The following AIG1 variants were observed in gnomAD, a reference collection of about 807,000 sequenced individuals.
The protein encoded by AIG1 is androgen-induced gene 1 protein.
AIG1 carries 23 observed loss-of-function variants against 31.4 expected under a neutral mutation model. The observed-to-expected ratio is 0.73, with a 90% CI of 0.53 to 1.04. The LOEUF is 1.04. AIG1 is among the 50% of genes least tolerant of loss of function. AIG1 has a pLI of 0.00. For synonymous variants in AIG1, 100 were observed against 110.5 expected, an observed-to-expected ratio of 0.90 and a Z score of 0.60; for missense variants, 274 against 295.0, an observed-to-expected ratio of 0.93 and a Z score of 0.52.
rs1447104167 is a variant in AIG1 at position 143,268,322 on chromosome 6, G to A, written c.400-15788G>A. Among the ~76,000 whole-genome samples the A allele has an allele frequency of 6.6e-6, 1 of 152,090 alleles. No individual in the cohort carries two copies. Among genetic ancestry groups the A allele is most frequent in the East Asian group, 1.9e-4 (1 of 5,192 alleles). The stretch of plus-strand genomic sequence containing the variant: ...AATTAGCACTTGGTATTGTCTGTAC[G>A]ACTGGCATTGTTCCCTGAGCCTCGA... On this transcript the variant is annotated intron_variant, in intron 3 of 5. Coordinates refer to ENST00000357847, the MANE Select transcript of AIG1 (RefSeq NM_016108.4). The surrounding 1 kb of genome is among the most constrained non-coding windows in gnomAD (Gnocchi z 5.0).
chr6:143,229,640 ATTC>A (rs2128630621), intron 3 of AIG1, among the ~76,000 whole-genome samples: 1 of 152,292 alleles, frequency 6.6e-6, no homozygotes, highest in East Asian at 1.9e-4. Context: ...ACAACTCATC[ATTC>A]TTCTTTCAGC....
At chr6:143,104,546 A>G (rs768454218) in intron 1 of AIG1, among the ~76,000 whole-genome samples, 5 of 152,156 alleles carry the variant, frequency 3.3e-5, no homozygotes, top group African/African-American at 1.2e-4. Context: ...AGCCTTTCCC[A>G]GGTGTGAGCT....
intron 2 of AIG1, among the ~76,000 whole-genome samples, chr6:143,153,804 T>G (rs539026679): frequency 6.6e-6 from 1 of 152,052 alleles, no homozygotes; most frequent in African/African-American, 2.4e-5. Flanking sequence ...ATTAACCACA[T>G]TTACTCGCCA....
At chr6:143,157,748 TCA>T (rs1478800380) in intron 2 of AIG1, among the ~76,000 whole-genome samples, 1 of 152,210 alleles carries the variant, frequency 6.6e-6, no homozygotes, top group East Asian at 1.9e-4. Context: ...CTATCGAATC[TCA>T]GTTTTTCTTC....
At chr6:143,060,593 A>AG, upstream of AIG1, 2 of 444,368 alleles carry the variant, frequency 4.5e-6, no homozygotes, top group Non-Finnish European at 9.4e-6. Flanking sequence ...TGGGATGCCT[A>AG]GGGGGCGCCT....
chr6:143,111,998 A>T (rs1781317505), intron 1 of AIG1, among the ~76,000 whole-genome samples: 1 of 152,196 alleles, frequency 6.6e-6, no homozygotes, highest in African/African-American at 2.4e-5. Context: ...ATCTGCTTTC[A>T]AGATGATCTT....
intron 2 of AIG1, among the ~76,000 whole-genome samples, chr6:143,140,827 A>T (rs1003799454): frequency 6.6e-6 from 1 of 152,190 alleles, no homozygotes; most frequent in African/African-American, 2.4e-5. Context: ...CAAAATCCTA[A>T]GGGGCAGAAT....
chr6:143,102,388 C>T (rs527304139), intron 1 of AIG1, among the ~76,000 whole-genome samples: 14 of 148,448 alleles, frequency 9.4e-5, no homozygotes, highest in Non-Finnish European at 1.3e-4. Context: ...TATTTTCAGC[C>T]GGAAGGGAAG....
chr6:143,253,706 A>G (rs1305664692), intron 3 of AIG1, among the ~76,000 whole-genome samples: 1 of 152,214 alleles, frequency 6.6e-6, no homozygotes, highest in Non-Finnish European at 1.5e-5. Flanking sequence ...AGAGTAAATC[A>G]TTTTCAGTTT....
At chr6:143,071,301 T>C (rs905855150) in intron 1 of AIG1, among the ~76,000 whole-genome samples, 15 of 152,238 alleles carry the variant, frequency 9.9e-5, no homozygotes, top group African/African-American at 3.1e-4. Context: ...TAGTATTACA[T>C]AGTATGCATA....
At chr6:143,125,606 T>A (rs991692630) in intron 1 of AIG1, among the ~76,000 whole-genome samples, 1 of 152,218 alleles carries the variant, frequency 6.6e-6, no homozygotes, top group South Asian at 2.1e-4. Context: ...TTTTCTATCA[T>A]AATTTGCAGA....
intron 1 of AIG1, among the ~76,000 whole-genome samples, chr6:143,091,397 GC>G (rs1158752721): frequency 1.3e-5 from 2 of 152,210 alleles, no homozygotes; most frequent in Non-Finnish European, 2.9e-5. Flanking sequence ...TCTCTGCTCT[GC>G]TTTCAAAGAA....
intron 1 of AIG1, among the ~76,000 whole-genome samples, chr6:143,099,106 C>G (rs1317640092): frequency 6.6e-6 from 1 of 152,212 alleles, no homozygotes; most frequent in Non-Finnish European, 1.5e-5. Flanking sequence ...AAAAGACCAT[C>G]AGTTTTCACT....
intron 1 of AIG1, among the ~76,000 whole-genome samples, chr6:143,089,303 A>G (rs1410083244): frequency 6.6e-6 from 1 of 152,122 alleles, no homozygotes; most frequent in Non-Finnish European, 1.5e-5. Context: ...AATACCTATG[A>G]TATGAGGAAT....
intron 4 of AIG1, among the ~76,000 whole-genome samples, chr6:143,314,021 A>G (rs1775522622): frequency 6.6e-6 from 1 of 151,788 alleles, no homozygotes; most frequent in South Asian, 2.1e-4. Flanking sequence ...AGACAAGAAG[A>G]GGAAATAAAA....
intron 3 of AIG1, chr6:143,187,836 C>A: frequency 6.8e-7 from 1 of 1,460,708 alleles, no homozygotes; most frequent in East Asian, 2.5e-5. Context: ...TCAAGAAGTG[C>A]CATTTCTCAA....
In AIG1 at chr6:143,333,033, A is replaced by G. The variant is rs932938824; in HGVS notation, c.516-249A>G. Reference sequence around the variant, plus strand: ...GTCAATTGTCCCAGGATTATACAAGATGTTAACATGAGGGGAAGCTGAGTG... The same window carrying G: ...GTCAATTGTCCCAGGATTATACAAGGTGTTAACATGAGGGGAAGCTGAGTG... On this transcript the variant is annotated intron_variant, in intron 4 of 5. Transcript: ENST00000357847. This position sits in a 1 kb window ranked among gnomAD's most constrained non-coding sequence, Gnocchi z 4.6. Among the ~76,000 whole-genome samples, 2 of 152,198 alleles carry G rather than the reference A, an allele frequency of 1.3e-5. No individual in the cohort carries two copies. Among genetic ancestry groups the G allele is most frequent in the South Asian group, 4.1e-4 (2 of 4,822 alleles).
chr6:143,148,454 A>G (rs1784891134), intron 2 of AIG1, among the ~76,000 whole-genome samples: 1 of 151,170 alleles, frequency 6.6e-6, no homozygotes, highest in South Asian at 2.1e-4. Context: ...GGTTTTAGTG[A>G]GCTGAGATGG....
At chr6:143,301,713 G>C (rs1369925314) in intron 4 of AIG1, among the ~76,000 whole-genome samples, 2 of 152,114 alleles carry the variant, frequency 1.3e-5, no homozygotes, top group Non-Finnish European at 2.9e-5. Flanking sequence ...CTGCCCCCAT[G>C]ATTCAATTAT....
Sources: allele counts gnomAD v4.1 joint callset (sites outside exome capture counted in the v4.1 genomes callset), GRCh38; gene constraint gnomAD v4.1.1; non-coding constraint Gnocchi (gnomAD v3.1); transcripts MANE v1.5; gene names NCBI Gene and HGNC (gene_info 2026-07-23, HGNC 2026-07-21).